Variants in NAV2 observed in about 807,000 individuals in gnomAD.
The protein encoded by NAV2 is helicase, APC down-regulated 1.
Under a neutral mutation model 223.2 loss-of-function variants are expected in NAV2, and 54 were observed. The ratio of observed to expected loss-of-function variants is 0.24; its 90% CI spans 0.19 to 0.30. NAV2 has a LOEUF of 0.30. Ranked by LOEUF, NAV2 falls within the 10% of genes least tolerant of loss-of-function variation. The pLI is 1.00. For missense variants in NAV2, 2,806 were observed against 3,147.5 expected (o/e 0.89, Z 2.60); for synonymous variants, 1,279 against 1,239.3 (o/e 1.03, Z -0.67).
chr11:20,015,161 C>T (rs2053900324), intron 11 of NAV2, among the ~76,000 whole-genome samples: 1 of 152,034 alleles, frequency 6.6e-6, no homozygotes, highest in East Asian at 1.9e-4. Flanking sequence ...GGGTTTTTTT[C>T]CTGTTTTCCT....
chr11:19,718,406 G>A (rs1264382396), intron 1 of NAV2, among the ~76,000 whole-genome samples: 1 of 152,178 alleles, frequency 6.6e-6, no homozygotes, highest in Non-Finnish European at 1.5e-5. Context: ...TGTTCAAGTT[G>A]CACCTAGTTT....
chr11:19,891,590 G>A (rs60597811), intron 5 of NAV2, among the ~76,000 whole-genome samples: 6,340 of 152,270 alleles, frequency 0.042, 389 homozygotes, highest in African/African-American at 0.13. Flanking sequence ...TCCATCTACT[G>A]TGCAGATAAG....
At chr11:19,723,098 C>T (rs558015988) in intron 1 of NAV2, among the ~76,000 whole-genome samples, 6 of 152,288 alleles carry the variant, frequency 3.9e-5, no homozygotes, top group South Asian at 2.1e-4. Flanking sequence ...CACCCCCAAC[C>T]GCCCCTACCT....
In NAV2 at chr11:19,706,992, G is replaced by A. The variant is rs1228167603; in HGVS notation, c.76-125492G>A. On this transcript the variant is annotated intron_variant, in intron 1 of 37. Transcript: ENST00000360655. Reference sequence around the variant, plus strand: ...GTAATTACAACACAATGGTATTTGTGTATCTAAACGTAGAAAAGGTACAGT... The same window carrying A: ...GTAATTACAACACAATGGTATTTGTATATCTAAACGTAGAAAAGGTACAGT... 8.5e-5 allele frequency among the ~76,000 whole-genome samples: 13 copies of A among 152,280 alleles called. No homozygotes were observed. The East Asian group carries it at 1.2e-3, about 14-fold the overall frequency.
chr11:19,622,130 A>C (rs535041820), intron 1 of NAV2, among the ~76,000 whole-genome samples: 11 of 152,320 alleles, frequency 7.2e-5, no homozygotes, highest in East Asian at 3.9e-4. Flanking sequence ...ACAGTTTGTT[A>C]TAATTTCTGT....
chr11:19,354,215 C>T (rs1853485367), intron 1 of NAV2, among the ~76,000 whole-genome samples: 1 of 152,160 alleles, frequency 6.6e-6, no homozygotes, highest in South Asian at 2.1e-4. Context: ...ACATACAAAG[C>T]CACTTTTTTC....
At chr11:19,552,749 T>C (rs1451230998) in intron 1 of NAV2, among the ~76,000 whole-genome samples, 1 of 152,166 alleles carries the variant, frequency 6.6e-6, no homozygotes, top group Non-Finnish European at 1.5e-5. Flanking sequence ...ACAGCATTCA[T>C]TGGCCAGCGT....
chr11:19,936,535 A>C (rs545601131), intron 7 of NAV2, among the ~76,000 whole-genome samples: 1 of 152,184 alleles, frequency 6.6e-6, no homozygotes, highest in Non-Finnish European at 1.5e-5. Flanking sequence ...CTGGGTAACT[A>C]ACGTCCTTCT....
chr11:19,366,936 C>T (rs948590624), intron 1 of NAV2, among the ~76,000 whole-genome samples: 1 of 152,138 alleles, frequency 6.6e-6, no homozygotes, highest in African/African-American at 2.4e-5. Flanking sequence ...GATGTGTCAG[C>T]TCTTCATTTT....
At chr11:20,087,328 C>A (rs545021394) in intron 26 of NAV2, among the ~76,000 whole-genome samples, 1 of 152,300 alleles carries the variant, frequency 6.6e-6, no homozygotes, top group East Asian at 1.9e-4. Context: ...TTCTTACATT[C>A]CACAGCATCC....
At chr11:19,587,046 G>T (rs1486645996) in intron 1 of NAV2, among the ~76,000 whole-genome samples, 5 of 152,202 alleles carry the variant, frequency 3.3e-5, no homozygotes, top group African/African-American at 7.2e-5. Context: ...CTTCACGGCC[G>T]CTTTGTTTAC....
intron 1 of NAV2, among the ~76,000 whole-genome samples, chr11:19,764,505 T>C (rs1341208411): frequency 6.6e-6 from 1 of 152,234 alleles, no homozygotes; most frequent in East Asian, 1.9e-4. Flanking sequence ...CTAACAGATG[T>C]GGTGTTAAGA....
rs1242727422 is a variant in NAV2 at position 20,059,593 on chromosome 11, CAAATGAAA to C, written c.4832-2710_4832-2703del. On this transcript the variant is annotated intron_variant, in intron 19 of 37. Coordinates refer to ENST00000349880, the MANE Select transcript of NAV2 (RefSeq NM_145117.5). ...AAAAGGCTCTTTAAAAAAAAACAAA[CAAATGAAA>C]AAAGAATCAGAAACCAGTACAACAG... Among the ~76,000 whole-genome samples the C allele has an allele frequency of 1.3e-4, 20 of 152,058 alleles. 1 individual carries two copies. The East Asian group carries it at 3.7e-3, about 28-fold the overall frequency.
intron 6 of NAV2, among the ~76,000 whole-genome samples, chr11:19,914,017 G>A (rs977322863): frequency 6.6e-6 from 1 of 152,188 alleles, no homozygotes; most frequent in Admixed American, 6.5e-5. Flanking sequence ...GCTCCTACTA[G>A]CACATCAGAG....
chr11:19,659,584 A>G (rs10833148), intron 1 of NAV2, among the ~76,000 whole-genome samples: 123,659 of 152,106 alleles, frequency 0.81, 53,355 homozygotes, highest in East Asian at 0.95. Context: ...GGCCTGAGCT[A>G]TATAGGGACA....
chr11:19,704,967 T>G (rs2049616561), intron 1 of NAV2, among the ~76,000 whole-genome samples: 1 of 141,992 alleles, frequency 7.0e-6, no homozygotes. Context: ...GCAGAGATCA[T>G]GCCACTGCAC....
intron 1 of NAV2, among the ~76,000 whole-genome samples, chr11:19,429,069 C>T (rs1183897951): frequency 2.0e-5 from 3 of 152,270 alleles, no homozygotes; most frequent in Non-Finnish European, 2.9e-5. Flanking sequence ...CTTTTCTACC[C>T]GATTGCACAA....
At chr11:20,022,509 A>G (rs2054593332) in intron 11 of NAV2, 3 of 981,224 alleles carry the variant, frequency 3.1e-6, no homozygotes, top group South Asian at 4.7e-5. Flanking sequence ...TAACTGTACA[A>G]ACAGGTATCA....
chr11:19,654,886 T>C (rs781587352), intron 1 of NAV2, among the ~76,000 whole-genome samples: 8 of 152,098 alleles, frequency 5.3e-5, no homozygotes, highest in Non-Finnish European at 1.0e-4. Context: ...CCAAAATTGA[T>C]AAATGGGATC....
Sources: allele counts gnomAD v4.1 joint callset (sites outside exome capture counted in the v4.1 genomes callset), GRCh38; gene constraint gnomAD v4.1.1; transcripts MANE v1.5; gene names NCBI Gene and HGNC (gene_info 2026-07-23, HGNC 2026-07-21).